RNF216: variants seen among roughly 807,000 people sequenced by gnomAD.
The protein encoded by RNF216 is E3 ubiquitin-protein ligase RNF216.
RNF216 carries 72 observed loss-of-function variants against 110.8 expected under a neutral mutation model. The ratio of observed to expected loss-of-function variants is 0.65; its 90% CI spans 0.54 to 0.79. The LOEUF (loss-of-function observed/expected upper bound fraction) is 0.79, where lower values mean the gene tolerates loss of function less well. Ranked by LOEUF, RNF216 falls within the 30% of genes least tolerant of loss-of-function variation. The pLI, the probability that RNF216 is intolerant of heterozygous loss-of-function variation, is 0.00. For missense variants in RNF216, 1,342 were observed against 1,141.2 expected, an observed-to-expected ratio of 1.18 and a Z score of -2.54; for synonymous variants, 495 against 407.5, an observed-to-expected ratio of 1.21 and a Z score of -2.59.
chr7:5,689,955 A>AAAGAG (rs991416350), intron 13 of RNF216, among the ~76,000 whole-genome samples: 1 of 151,690 alleles, frequency 6.6e-6, no homozygotes, highest in East Asian at 1.9e-4. Flanking sequence ...AAAGAACAGA[A>AAAGAG]AAGAGAAGAG....
At chr7:5,695,077 CT>C (rs1436353341) in intron 13 of RNF216, among the ~76,000 whole-genome samples, 1 of 152,216 alleles carries the variant, frequency 6.6e-6, no homozygotes, top group African/African-American at 2.4e-5. Context: ...GGAACTACCC[CT>C]GAACCCAAAG....
chr7:5,690,781 T>A (rs538708437), intron 13 of RNF216, among the ~76,000 whole-genome samples: 4 of 152,124 alleles, frequency 2.6e-5, no homozygotes, highest in Non-Finnish European at 5.9e-5. Flanking sequence ...CTAGAGCTCA[T>A]GCCCCGACAG....
chr7:5,623,945 AC>A, intron 16 of RNF216, 110 bp downstream of exon 16: 1 of 874,002 alleles, frequency 1.1e-6, no homozygotes. Context: ...GAGGGACAGC[AC>A]CCCCTCCTCT....
intron 2 of RNF216, among the ~76,000 whole-genome samples, chr7:5,754,900 C>A (rs1795537686): frequency 6.6e-6 from 1 of 151,868 alleles, no homozygotes; most frequent in African/African-American, 2.4e-5. Flanking sequence ...TGGTGGCATG[C>A]AACTGTAATC....
At chr7:5,701,921 G>A (rs747040126) in intron 13 of RNF216, among the ~76,000 whole-genome samples, 24 of 152,222 alleles carry the variant, frequency 1.6e-4, no homozygotes, top group Non-Finnish European at 2.9e-4. Context: ...CAGGAGGTTC[G>A]TGACTGGTCT....
rs912122389 is a variant in RNF216 at position 5,657,383 on chromosome 7, C to G, written c.2062-4873G>C. ...GGGAGTTCGAGACCAGCCTGACCAA[C>G]AGGGAGAAACCCCATCTCTACTAAA... is the stretch of plus-strand genomic sequence containing the variant. On this transcript the variant is annotated intron_variant, in intron 13 of 16. Transcript: ENST00000389902. Among the ~76,000 whole-genome samples the G allele has an allele frequency of 2.6e-5, 4 of 152,142 alleles. No individual in the cohort carries two copies. In the South Asian group the frequency reaches 6.2e-4, roughly 24 times the overall value.
intron 10 of RNF216, among the ~76,000 whole-genome samples, chr7:5,716,433 G>A (rs776975735): frequency 6.6e-6 from 1 of 152,208 alleles, no homozygotes; most frequent in East Asian, 1.9e-4. Context: ...TAACTCTAAA[G>A]TGATATCTAA....
Position 5,641,240 on chromosome 7 carries a change from C to T in RNF216, c.2296G>A (p.Gly766Arg). 1 of 1,614,130 alleles carries T rather than the reference C, an allele frequency of 6.2e-7. No homozygotes were observed. Among genetic ancestry groups the T allele is most frequent in the South Asian group, 1.1e-5 (1 of 91,084 alleles). The change falls in exon 15 of 17, where the codon GGA (glycine) becomes AGA (arginine). Residue 766 changes from glycine (G) to arginine (R), a missense_variant. Physicochemically the swap from Gly to Arg is moderately radical, Grantham distance 125. Transcript: ENST00000389902. Reference sequence around the variant, plus strand: ...GGATGTTGGCAGAAATGGTCATATCCATTAATAGAAACTCGACAGAGGTAG... The same window carrying T: ...GGATGTTGGCAGAAATGGTCATATCTATTAATAGAAACTCGACAGAGGTAG... ...MCYLCRVSINGYDHFCQHPRS... is the reference protein window; with the variant it reads ...MCYLCRVSINRYDHFCQHPRS...
chr7:5,688,728 A>AT (rs201872284), intron 13 of RNF216, among the ~76,000 whole-genome samples: 3,491 of 150,996 alleles, frequency 0.023, 55 homozygotes, highest in South Asian at 0.053. Flanking sequence ...GGCTTGTCTT[A>AT]TTTTTTTTTG....
At chr7:5,729,189 T>C (rs985301641) in intron 7 of RNF216, among the ~76,000 whole-genome samples, 4 of 152,218 alleles carry the variant, frequency 2.6e-5, no homozygotes, top group African/African-American at 9.6e-5. Flanking sequence ...CATTCCACAG[T>C]AGAAGGTATT....
Position 5,624,015 on chromosome 7 carries a change from G to T in RNF216, c.2452+41C>A. ...AGGCCAGCAGAAGCCTGCATGGCCT[G>T]GCTGCTGCTCTGTCCTGGGGGCCTG... On this transcript the variant is annotated intron_variant, in intron 16 of 16. Coordinates refer to ENST00000389902, the MANE Select transcript of RNF216 (RefSeq NM_207111.4). The surrounding 1 kb of genome is among the most constrained non-coding windows in gnomAD (Gnocchi z 4.4). The T allele has an allele frequency of 1.9e-6, 3 of 1,576,162 alleles. No individual in the cohort carries two copies. Among genetic ancestry groups the T allele is most frequent in the Non-Finnish European group, 2.6e-6 (3 of 1,149,722 alleles).
At chr7:5,751,827 T>TAAAAAAA (rs3075700) in intron 3 of RNF216, among the ~76,000 whole-genome samples, 11 of 37,296 alleles carry the variant, frequency 2.9e-4, no homozygotes, top group Non-Finnish European at 3.9e-4. Context: ...ATCTTTAAAC[T>TAAAAAAA]AAAAAAAAAA....
intron 13 of RNF216, among the ~76,000 whole-genome samples, chr7:5,675,467 C>G (rs1290792002): frequency 1.3e-5 from 2 of 150,986 alleles, no homozygotes; most frequent in Admixed American, 6.6e-5. Flanking sequence ...GCAAGACACC[C>G]TCTACGAAAA....
chr7:5,740,706 A>T (rs1446038205), intron 4 of RNF216, among the ~76,000 whole-genome samples: 3 of 152,070 alleles, frequency 2.0e-5, no homozygotes, highest in African/African-American at 7.2e-5. Context: ...TGAAAAAAAC[A>T]AGGGACTGCA....
chr7:5,716,869 T>G lies in RNF216; in HGVS notation c.1645-103A>C. On this transcript the variant is annotated intron_variant, in intron 9 of 16. Coordinates refer to ENST00000389902, the MANE Select transcript of RNF216 (RefSeq NM_207111.4). ...AACATAACTCCAGTATTGCGATCTC[T>G]TCAATTACACAGTTTAGCAGTTCAA... 18 of 857,996 alleles carry G rather than the reference T, an allele frequency of 2.1e-5. No homozygotes were observed. The South Asian group carries it at 2.1e-4, about 10-fold the overall frequency. The allele number at this position is 857,996 out of a possible 1,614,324, so 53.1% of individuals were successfully genotyped here.
chr7:5,706,244 G>A (rs1009611466), intron 13 of RNF216, among the ~76,000 whole-genome samples: 7 of 151,170 alleles, frequency 4.6e-5, no homozygotes, highest in Admixed American at 3.3e-4. Context: ...AAAAAATTGT[G>A]GTGAAAACAC....
At chr7:5,717,370 T>C (rs1305660846) in intron 9 of RNF216, among the ~76,000 whole-genome samples, 1 of 151,828 alleles carries the variant, frequency 6.6e-6, no homozygotes, top group Non-Finnish European at 1.5e-5. Context: ...CAAACAAACA[T>C]ACAAAAACTA....
At chr7:5,762,568 T>G (rs6463514) in intron 1 of RNF216, among the ~76,000 whole-genome samples, 2 of 151,512 alleles carry the variant, frequency 1.3e-5, no homozygotes, top group Admixed American at 1.3e-4. Context: ...GACGGGCACC[T>G]GATATCCCAG....
chr7:5,639,408 CT>C (rs34929591), intron 15 of RNF216, among the ~76,000 whole-genome samples: 3 of 150,966 alleles, frequency 2.0e-5, no homozygotes, highest in Admixed American at 6.6e-5. Context: ...TTCTGTTTTC[CT>C]TTTTTTTTGA....
Sources: allele counts gnomAD v4.1 joint callset (sites outside exome capture counted in the v4.1 genomes callset), GRCh38; gene constraint gnomAD v4.1.1; non-coding constraint Gnocchi (gnomAD v3.1); transcripts MANE v1.5; gene names NCBI Gene and HGNC (gene_info 2026-07-23, HGNC 2026-07-21).